MYOM1: variants seen among roughly 807,000 people sequenced by gnomAD.
MYOM1 encodes myomesin-1.
MYOM1 carries 164 observed loss-of-function variants against 205.3 expected under a neutral mutation model. The ratio of observed to expected loss-of-function variants is 0.80; its 90% CI spans 0.70 to 0.91. The LOEUF (loss-of-function observed/expected upper bound fraction) is 0.91, where lower values mean the gene tolerates loss of function less well. Among genes scored for constraint, MYOM1 ranks in the 40% least tolerant of loss-of-function variants. The probability of loss-of-function intolerance (pLI) is 0.00; values close to 1 mark genes in which losing one functional copy is unlikely to be tolerated. For synonymous variants in MYOM1, 772 were observed against 789.4 expected (o/e 0.98, Z 0.37); for missense variants, 2,011 against 2,127.3 (o/e 0.95, Z 1.08).
chr18:3,181,083 C>A (rs534000165), intron 5 of MYOM1, among the ~76,000 whole-genome samples: 7 of 152,132 alleles, frequency 4.6e-5, no homozygotes, highest in Non-Finnish European at 5.9e-5. Context: ...CGTGCCACCA[C>A]GTCCAGCTAC....
chr18:3,107,195 G>A (rs1420563783), intron 22 of MYOM1, among the ~76,000 whole-genome samples: 1 of 152,090 alleles, frequency 6.6e-6, no homozygotes, highest in African/African-American at 2.4e-5. Context: ...TCGGCTCACT[G>A]CAACCTCTGT....
Position 3,116,318 on chromosome 18 carries a change from A to C in MYOM1, c.3303+13T>G, listed in dbSNP as rs1427065803. 1 of 1,608,924 alleles carries C rather than the reference A, an allele frequency of 6.2e-7. No individual in the cohort carries two copies. Among genetic ancestry groups the C allele is most frequent in the African/African-American group, 1.3e-5 (1 of 74,822 alleles). ...GTTAGTAGAGGAAGCTCTAGAACTG[A>C]GCAGCCTCTTACCTTCAGGTATACG... On this transcript the variant is annotated intron_variant, in intron 21 of 37. Transcript: ENST00000356443.
At chr18:3,187,000 A>G (rs1210038214) in intron 5 of MYOM1, among the ~76,000 whole-genome samples, 7 of 151,544 alleles carry the variant, frequency 4.6e-5, no homozygotes, top group African/African-American at 1.2e-4. Context: ...AGAAAGAAAG[A>G]AAGGAAGAAA....
chr18:3,123,121 C>T (rs1227409401), intron 19 of MYOM1, among the ~76,000 whole-genome samples: 1 of 152,112 alleles, frequency 6.6e-6, no homozygotes, highest in Non-Finnish European at 1.5e-5. Context: ...CCACCATGCC[C>T]CCAGCACCAC....
chr18:3,233,069 T>G, the MYOM1 span, among the ~76,000 whole-genome samples: 2 of 152,212 alleles, frequency 1.3e-5, no homozygotes, highest in African/African-American at 4.8e-5. Flanking sequence ...TATAGATATA[T>G]TAAAGATTTT....
chr18:3,187,857 C>CTTTTTTTT (rs763218658), intron 4 of MYOM1, among the ~76,000 whole-genome samples: 4 of 124,222 alleles, frequency 3.2e-5, no homozygotes, highest in South Asian at 2.4e-4. Context: ...ATTTCTTTTT[C>CTTTTTTTT]TTTTTTTTTT....
chr18:3,115,677 G>GA (rs2079594323), intron 21 of MYOM1, among the ~76,000 whole-genome samples: 1 of 152,196 alleles, frequency 6.6e-6, no homozygotes, highest in Non-Finnish European at 1.5e-5. Flanking sequence ...AACACTAGCG[G>GA]AAAATATTCT....
intron 19 of MYOM1, among the ~76,000 whole-genome samples, chr18:3,125,102 T>G (rs968001346): frequency 3.3e-5 from 5 of 152,146 alleles, no homozygotes; most frequent in Admixed American, 2.6e-4. Flanking sequence ...GCTGAAAATG[T>G]GTGAATAGAC....
intron 22 of MYOM1, among the ~76,000 whole-genome samples, chr18:3,108,049 C>A (rs899630867): frequency 2.0e-5 from 3 of 152,102 alleles, no homozygotes; most frequent in Non-Finnish European, 4.4e-5. Context: ...CTGACCCCAC[C>A]CAGACTCCTG....
Position 3,188,803 on chromosome 18 carries a change from T to G in MYOM1, c.716A>C (p.Lys239Thr), listed in dbSNP as rs1472599350. The change falls in exon 4 of 38, where the codon AAG (lysine) becomes ACG (threonine). Residue 239 changes from lysine to threonine, a missense_variant. By Grantham distance (78) the Lys-to-Thr change is moderately conservative. Coordinates refer to ENST00000356443, the MANE Select transcript of MYOM1 (RefSeq NM_003803.4). ...ALQQEETSEKKSRKVVIREKA... is the reference protein window; with the variant it reads ...ALQQEETSEKTSRKVVIREKA... ...TTCTCGAATCACAACTTTCCTTGAC[T>G]TCTTTTCAGAAGTTTCTTCCTGTTG... 6.2e-7 allele frequency: 1 copy of G among 1,608,168 alleles called. No individual in the cohort carries two copies. The highest frequency in any genetic ancestry group is 8.5e-7 in the Non-Finnish European group (1 of 1,175,612).
chr18:3,124,577 C>T (rs1033416321), intron 19 of MYOM1, among the ~76,000 whole-genome samples: 2 of 152,002 alleles, frequency 1.3e-5, no homozygotes, highest in African/African-American at 4.8e-5. Flanking sequence ...GATCCACCTG[C>T]CTCGGCCTCC....
the MYOM1 span, among the ~76,000 whole-genome samples, chr18:3,242,747 G>A: frequency 1.3e-5 from 2 of 152,244 alleles, no homozygotes; most frequent in African/African-American, 2.4e-5. Flanking sequence ...GACCTCAAGC[G>A]ATCCAGTCAC....
Position 3,174,112 on chromosome 18 carries a change from AAACC to A in MYOM1, c.1111+4_1111+7del. On this transcript the variant is annotated splice_donor_5th_base_variant and intron_variant, in intron 7 of 37. Transcript: ENST00000356443. ...ACACTTTGAAGAAAACAAATCTAGC[AAACC>A]TACTTTTTACCACAACTGAAGCATA... 6.2e-7 allele frequency: 1 copy of A among 1,613,934 alleles called. No homozygotes were observed. The highest frequency in any genetic ancestry group is 8.5e-7 in the Non-Finnish European group (1 of 1,179,774).
At chr18:3,088,750 G>A (rs2079185179) in intron 29 of MYOM1, among the ~76,000 whole-genome samples, 1 of 152,142 alleles carries the variant, frequency 6.6e-6, no homozygotes, top group Admixed American at 6.5e-5. Context: ...CTCCCTTGGA[G>A]TCAGTGGCAC....
At chr18:3,217,629 G>A (rs1173453494) in intron 1 of MYOM1, among the ~76,000 whole-genome samples, 1 of 152,114 alleles carries the variant, frequency 6.6e-6, no homozygotes, top group African/African-American at 2.4e-5. Context: ...GAAAATAGGT[G>A]AGAACCATTG....
chr18:3,169,882 G>A (rs2080530834), intron 8 of MYOM1, among the ~76,000 whole-genome samples: 1 of 152,188 alleles, frequency 6.6e-6, no homozygotes, highest in Non-Finnish European at 1.5e-5. Flanking sequence ...AGGCCAGGAT[G>A]TGAAATTAAC....
chr18:3,166,329 G>A (rs1052189773), intron 9 of MYOM1, among the ~76,000 whole-genome samples: 22 of 150,008 alleles, frequency 1.5e-4, no homozygotes, highest in Admixed American at 1.1e-3. Context: ...AGAGTGCAGC[G>A]GTGTGATCTC....
At chr18:3,067,824 A>G (rs1384684445) in intron 37 of MYOM1, among the ~76,000 whole-genome samples, 1 of 152,186 alleles carries the variant, frequency 6.6e-6, no homozygotes, top group Non-Finnish European at 1.5e-5. Flanking sequence ...AAAACACACG[A>G]AAGAGTTTAT....
At chr18:3,181,212 C>G (rs2080725678) in intron 5 of MYOM1, among the ~76,000 whole-genome samples, 1 of 152,176 alleles carries the variant, frequency 6.6e-6, no homozygotes, top group South Asian at 2.1e-4. Context: ...AGGCATGAAC[C>G]ACCACGCCCG....
Sources: gnomAD v4.1 joint callset for allele counts (sites outside exome capture counted in the v4.1 genomes callset) on GRCh38, gnomAD v4.1.1 for gene constraint, MANE v1.5 for transcripts, NCBI Gene and HGNC (gene_info 2026-07-23, HGNC 2026-07-21) for gene names.